The following PDE1C variants were observed in gnomAD, a reference collection of about 807,000 sequenced individuals.
PDE1C encodes the protein phosphodiesterase 1C.
Under a neutral mutation model 93.1 loss-of-function variants are expected in PDE1C, and 62 were observed. That is an observed-to-expected ratio of 0.67 (90% CI 0.54 to 0.82). The LOEUF (loss-of-function observed/expected upper bound fraction) is 0.82. Among genes scored for constraint, PDE1C ranks in the 40% least tolerant of loss-of-function variants. PDE1C has a pLI of 0.00. For synonymous variants in PDE1C, 325 were observed against 310.1 expected (o/e 1.05, Z -0.50); for missense variants, 742 against 884.6 (o/e 0.84, Z 2.04).
chr7:31,740,004 G>A, the PDE1C span, among the ~76,000 whole-genome samples: 5 of 152,116 alleles, frequency 3.3e-5, no homozygotes. Flanking sequence ...TGGCCTACAC[G>A]TTCATGCAGG....
chr7:31,644,393 T>C, the PDE1C span, among the ~76,000 whole-genome samples: 2 of 152,378 alleles, frequency 1.3e-5, no homozygotes, highest in East Asian at 3.9e-4. Context: ...AGGATTGTTT[T>C]AGGATTAAAT....
chr7:32,280,673 AT>A (rs1811571548), intron 1 of PDE1C, among the ~76,000 whole-genome samples: 1 of 152,202 alleles, frequency 6.6e-6, no homozygotes, highest in African/African-American at 2.4e-5. Context: ...AAATTTTCTA[AT>A]GAAAACTGGC....
chr7:32,020,575 A>G (rs1450947172), intron 2 of PDE1C, among the ~76,000 whole-genome samples: 1 of 152,156 alleles, frequency 6.6e-6, no homozygotes, highest in Non-Finnish European at 1.5e-5. Flanking sequence ...CTTGACAATC[A>G]AAACAGAAAG....
At chr7:32,006,798 C>A (rs1044957170) in intron 2 of PDE1C, among the ~76,000 whole-genome samples, 1 of 152,136 alleles carries the variant, frequency 6.6e-6, no homozygotes, top group Non-Finnish European at 1.5e-5. Context: ...CATGAAGCCA[C>A]CAAAGACAGT....
intron 1 of PDE1C, among the ~76,000 whole-genome samples, chr7:32,235,306 G>A (rs895096276): frequency 6.6e-6 from 1 of 151,844 alleles, no homozygotes; most frequent in African/African-American, 2.4e-5. Context: ...AGTGGGGGAT[G>A]AAGGAAAGAA....
rs1294818428 is a variant in PDE1C at position 31,850,931 on chromosome 7, A to G, written c.751-190T>C. Reference sequence around the variant, plus strand: ...CTTGGAGACTTGTGATTTGTTAACAATGTGTTCAGCAAGGTTGAATAAGCT... The same window carrying G: ...CTTGGAGACTTGTGATTTGTTAACAGTGTGTTCAGCAAGGTTGAATAAGCT... On this transcript the variant is annotated intron_variant, in intron 7 of 17. Transcript: ENST00000396191. 65 of 562,068 alleles carry G rather than the reference A, an allele frequency of 1.2e-4. No homozygotes were observed. The South Asian group carries it at 1.3e-3, about 11-fold the overall frequency. The allele number at this position is 562,068 out of a possible 1,614,324, so 34.8% of individuals were successfully genotyped here.
the PDE1C span, among the ~76,000 whole-genome samples, chr7:31,727,378 A>T: frequency 2.6e-5 from 4 of 152,214 alleles, no homozygotes; most frequent in African/African-American, 7.2e-5. Context: ...TAGTTGCATT[A>T]TGTTCCATTC....
At chr7:31,968,328 G>C (rs1810357001) in intron 2 of PDE1C, among the ~76,000 whole-genome samples, 1 of 151,990 alleles carries the variant, frequency 6.6e-6, no homozygotes, top group Non-Finnish European at 1.5e-5. Context: ...GACAAACAGA[G>C]AGCCAAATCA....
At chr7:32,182,492 A>T (rs1277169608) in intron 2 of PDE1C, among the ~76,000 whole-genome samples, 4 of 152,230 alleles carry the variant, frequency 2.6e-5, no homozygotes, top group Non-Finnish European at 4.4e-5. Context: ...AGGCTGGTTC[A>T]ACATACGCAA....
At chr7:32,182,899 C>A (rs940536319) in intron 2 of PDE1C, among the ~76,000 whole-genome samples, 10 of 152,152 alleles carry the variant, frequency 6.6e-5, no homozygotes, top group Non-Finnish European at 1.5e-4. Flanking sequence ...ATCTAGAAAA[C>A]CCCATCGTCT....
At chr7:32,103,386 A>T (rs1563314806) in intron 3 of PDE1C, among the ~76,000 whole-genome samples, 1 of 152,112 alleles carries the variant, frequency 6.6e-6, no homozygotes, top group Non-Finnish European at 1.5e-5. Flanking sequence ...AGGGGTGAGG[A>T]TGGACTGGAG....
At chr7:31,799,634 C>G (rs548195669) in intron 16 of PDE1C, among the ~76,000 whole-genome samples, 15 of 151,706 alleles carry the variant, frequency 9.9e-5, no homozygotes, top group African/African-American at 3.6e-4. Flanking sequence ...TGTAGCAAGT[C>G]AAGGTCATGA....
intron 1 of PDE1C, among the ~76,000 whole-genome samples, chr7:32,239,669 A>T (rs1171174057): frequency 6.6e-6 from 1 of 152,232 alleles, no homozygotes; most frequent in East Asian, 1.9e-4. Context: ...ATGAAATAGC[A>T]TCAAATTAAG....
chr7:31,831,532 C>T (rs76786952), intron 11 of PDE1C, among the ~76,000 whole-genome samples: 1,747 of 151,604 alleles, frequency 0.012, 34 homozygotes, highest in African/African-American at 0.039. Flanking sequence ...ACATACACAC[C>T]GCTTCATAGG....
At chr7:31,978,012 C>T (rs542222254) in intron 2 of PDE1C, among the ~76,000 whole-genome samples, 10 of 152,230 alleles carry the variant, frequency 6.6e-5, no homozygotes, top group South Asian at 2.1e-4. Flanking sequence ...AAGATGAAGA[C>T]GCTAAGATAT....
At chr7:32,170,046 G>A in intron 2 of PDE1C, 3 of 1,139,630 alleles carry the variant, frequency 2.6e-6, no homozygotes, top group Non-Finnish European at 3.8e-6. Context: ...TTCCAAAGCA[G>A]AGCAGGGAAA....
At chr7:32,369,858 T>C (rs1167574948) in intron 1 of PDE1C, among the ~76,000 whole-genome samples, 8 of 152,128 alleles carry the variant, frequency 5.3e-5, no homozygotes, top group Non-Finnish European at 1.0e-4. Flanking sequence ...TGTGGAGAAA[T>C]AGGAACACTT....
intron 2 of PDE1C, among the ~76,000 whole-genome samples, chr7:32,206,888 G>C (rs73689083): frequency 6.6e-6 from 1 of 152,220 alleles, no homozygotes; most frequent in Non-Finnish European, 1.5e-5. Flanking sequence ...ACTCTTCACT[G>C]TCCTGGACAC....
At chr7:32,172,167 G>A (rs1318532972) in intron 2 of PDE1C, among the ~76,000 whole-genome samples, 2 of 151,544 alleles carry the variant, frequency 1.3e-5, no homozygotes, top group African/African-American at 4.8e-5. Context: ...TTAACCAATT[G>A]CCGTTGGCTT....
Sources: gnomAD v4.1 joint callset for allele counts (sites outside exome capture counted in the v4.1 genomes callset) on GRCh38, gnomAD v4.1.1 for gene constraint, MANE v1.5 for transcripts, NCBI Gene and HGNC (gene_info 2026-07-23, HGNC 2026-07-21) for gene names.